Variants in CCDC3 observed in about 807,000 individuals in gnomAD.
The protein encoded by CCDC3 is coiled-coil domain-containing protein 3.
In CCDC3, 24 loss-of-function variants were observed where a neutral mutation model predicts 21.4. The observed-to-expected ratio is 1.12, with a 90% confidence interval of 0.81 to 1.58. The LOEUF (loss-of-function observed/expected upper bound fraction) is 1.58. Ranked by LOEUF, CCDC3 falls within the 40% of genes most tolerant of loss-of-function variation. The probability of loss-of-function intolerance (pLI) is 0.00; values close to 1 mark genes in which losing one functional copy is unlikely to be tolerated. For missense variants in CCDC3, 425 were observed against 360.9 expected, an observed-to-expected ratio of 1.18 and a Z score of -1.44; for synonymous variants, 186 against 166.0, an observed-to-expected ratio of 1.12 and a Z score of -0.93.
chr10:13,014,732 G>C (rs1379780529), intron 5 of CCDC3, among the ~76,000 whole-genome samples: 1 of 152,008 alleles, frequency 6.6e-6, no homozygotes, highest in Non-Finnish European at 1.5e-5. Flanking sequence ...CTTTTTTTAA[G>C]TTTGAGGATA....
intron 5 of CCDC3, among the ~76,000 whole-genome samples, chr10:13,006,849 G>C (rs1421558065): frequency 6.6e-6 from 1 of 152,164 alleles, no homozygotes; most frequent in Non-Finnish European, 1.5e-5. Flanking sequence ...GGGAATTCAA[G>C]TCAGGTTTTC....
In CCDC3 at chr10:12,998,507, T is replaced by C. The variant is rs1564314833; in HGVS notation, c.380A>G (p.Asp127Gly). 2 of 1,613,996 alleles carry C rather than the reference T, an allele frequency of 1.2e-6. No individual in the cohort carries two copies. Among genetic ancestry groups the C allele is most frequent in the Non-Finnish European group, 1.7e-6 (2 of 1,179,962 alleles). ...DYSYFFFLRMDENYNLLPHGV... is the reference protein window; with the variant it reads ...DYSYFFFLRMGENYNLLPHGV... The stretch of plus-strand genomic sequence containing the variant: ...GTGAGGCAAGAGGTTATAATTTTCA[T>C]CCATCCTAATGGAGGAAAAAAAGGC... The change falls in exon 2 of 3, where the codon GAT becomes GGT. Residue 127 changes from aspartate to glycine, a missense_variant. Physicochemically the swap from Asp to Gly is moderately conservative, Grantham distance 94 (BLOSUM62 -1). Coordinates refer to ENST00000378825, the MANE Select transcript of CCDC3 (RefSeq NM_031455.4).
At chr10:13,062,855 C>A (rs1465188701) in intron 4 of CCDC3, among the ~76,000 whole-genome samples, 1 of 152,092 alleles carries the variant, frequency 6.6e-6, no homozygotes. Context: ...ATTTTGCATG[C>A]CCTGCACTTG....
intron 3 of CCDC3, among the ~76,000 whole-genome samples, chr10:13,076,230 C>T (rs78919734): frequency 0.015 from 2,348 of 152,176 alleles, 78 homozygotes; most frequent in East Asian, 0.079. Flanking sequence ...GGAATTAAAA[C>T]GAAAAATAGA....
chr10:12,943,119 T>C (rs1834859770), intron 2 of CCDC3, among the ~76,000 whole-genome samples: 1 of 152,142 alleles, frequency 6.6e-6, no homozygotes, highest in South Asian at 2.1e-4. Flanking sequence ...AGCGCTTATA[T>C]AAATTAAGTA....
At chr10:12,986,989 T>G (rs901516628) in intron 2 of CCDC3, among the ~76,000 whole-genome samples, 3 of 152,124 alleles carry the variant, frequency 2.0e-5, no homozygotes. Flanking sequence ...GAGGGCAATC[T>G]TCTTCGAGTG....
intron 5 of CCDC3, among the ~76,000 whole-genome samples, chr10:13,012,101 G>T (rs1476543820): frequency 6.6e-6 from 1 of 152,168 alleles, no homozygotes; most frequent in East Asian, 1.9e-4. Flanking sequence ...AACCCTGGAA[G>T]ATAACCTAGG....
At chr10:12,978,431 T>C (rs960713017) in intron 2 of CCDC3, among the ~76,000 whole-genome samples, 37 of 152,234 alleles carry the variant, frequency 2.4e-4, no homozygotes, top group African/African-American at 6.5e-4. Flanking sequence ...TTTTACACTT[T>C]AACTCGAATT....
At chr10:12,984,858 A>G (rs1835562596) in intron 2 of CCDC3, among the ~76,000 whole-genome samples, 1 of 152,208 alleles carries the variant, frequency 6.6e-6, no homozygotes, top group Admixed American at 6.5e-5. Context: ...AGGCAAAGCC[A>G]TAGAGACAGA....
chr10:13,017,993 C>A (rs1836092028), intron 5 of CCDC3, among the ~76,000 whole-genome samples: 1 of 151,984 alleles, frequency 6.6e-6, no homozygotes, highest in Non-Finnish European at 1.5e-5. Flanking sequence ...CCCTAAAATG[C>A]CAAGTGTCCC....
intron 4 of CCDC3, among the ~76,000 whole-genome samples, chr10:13,072,867 C>CT (rs144915227): frequency 0.13 from 15,579 of 117,836 alleles, 1,227 homozygotes; most frequent in Middle Eastern, 0.19. Context: ...TCTTTTCTTT[C>CT]TTTTTTTTTT....
rs777423328 is a variant in CCDC3 at position 13,001,412 on chromosome 10, G to A, written c.159C>T (p.Pro53=). The A allele has an allele frequency of 1.3e-6, 2 of 1,555,476 alleles. No homozygotes were observed. The highest frequency in any genetic ancestry group is 2.4e-5 in the South Asian group (2 of 83,448). ...GGTGGTTGTAGAGGCCGGGCGCCTC[G>A]GGGTGCAGCGCCAGCACCCTGGCGT... The part of the protein sequence containing the change: ...IVYARVLALH[P]EAPGLYNHLP... Residue 53 remains proline (P), a synonymous_variant, in exon 1 of 3, where the codon CCC becomes CCT. Transcript: ENST00000378825.
chr10:13,016,982 T>A (rs556959177), intron 5 of CCDC3, among the ~76,000 whole-genome samples: 22 of 152,176 alleles, frequency 1.4e-4, no homozygotes, highest in African/African-American at 5.1e-4. Context: ...CTAGACATCA[T>A]GATCTCTGCC....
intron 2 of CCDC3, among the ~76,000 whole-genome samples, chr10:12,959,614 A>G (rs1208547127): frequency 6.6e-6 from 1 of 152,176 alleles, no homozygotes; most frequent in Non-Finnish European, 1.5e-5. Context: ...GTGGGAAACC[A>G]TAGTTACAGC....
At chr10:12,904,331 T>C (rs1834139168) in intron 2 of CCDC3, among the ~76,000 whole-genome samples, 1 of 151,772 alleles carries the variant, frequency 6.6e-6, no homozygotes, top group African/African-American at 2.4e-5. Flanking sequence ...TAGCCCGGCA[T>C]AGTGGTGCAC....
At chr10:13,052,270 G>C (rs537878919) in intron 4 of CCDC3, among the ~76,000 whole-genome samples, 98 of 152,166 alleles carry the variant, frequency 6.4e-4, no homozygotes, top group African/African-American at 2.2e-3. Context: ...GCTACTCAGA[G>C]GCTGAGGCGG....
Position 13,088,095 on chromosome 10 carries a change from T to A in CCDC3, c.-503+10430A>T, listed in dbSNP as rs188629974. 3.3e-4 allele frequency among the ~76,000 whole-genome samples: 51 copies of A among 152,344 alleles called. 1 individual carries two copies. The East Asian group carries it at 8.5e-3, about 25-fold the overall frequency. On this transcript the variant is annotated intron_variant, in intron 3 of 6. Coordinates refer to the CCDC3 transcript ENST00000378839. ...CAGCCTGCATTCATCCCCTTGGGGATGCAGTGAACAGCCTGCACAACTGTA... is the reference window on the plus strand; with the variant it reads ...CAGCCTGCATTCATCCCCTTGGGGAAGCAGTGAACAGCCTGCACAACTGTA...
intron 2 of CCDC3, among the ~76,000 whole-genome samples, chr10:12,913,452 ATTTG>A (rs1834301232): frequency 6.6e-6 from 1 of 152,198 alleles, no homozygotes; most frequent in African/African-American, 2.4e-5. Context: ...ACTTTACTGA[ATTTG>A]TTTATTAGCT....
At chr10:12,977,153 T>C (rs1234036001) in intron 2 of CCDC3, among the ~76,000 whole-genome samples, 2 of 152,168 alleles carry the variant, frequency 1.3e-5, no homozygotes, top group Non-Finnish European at 2.9e-5. Context: ...CGAGTGCCTG[T>C]AACCCCAGCT....
Sources: gnomAD v4.1 joint callset for allele counts (sites outside exome capture counted in the v4.1 genomes callset) on GRCh38, gnomAD v4.1.1 for gene constraint, MANE v1.5 for transcripts, NCBI Gene and HGNC (gene_info 2026-07-23, HGNC 2026-07-21) for gene names.